STIM1: variants seen among roughly 807,000 people sequenced by gnomAD.
STIM1 encodes stromal interaction molecule 1.
Under a neutral mutation model 74.7 loss-of-function variants are expected in STIM1, and 25 were observed. The ratio of observed to expected loss-of-function variants is 0.33; its 90% CI spans 0.24 to 0.47. The LOEUF is 0.47. Ranked by LOEUF, STIM1 falls within the 20% of genes least tolerant of loss-of-function variation. The probability of loss-of-function intolerance (pLI) is 1.00; values close to 1 mark genes in which losing one functional copy is unlikely to be tolerated. For missense variants in STIM1, 728 were observed against 920.8 expected (o/e 0.79, Z 2.71); for synonymous variants, 328 against 348.8 (o/e 0.94, Z 0.66).
intron 2 of STIM1, among the ~76,000 whole-genome samples, chr11:3,996,655 A>G (rs750288969): frequency 6.6e-5 from 10 of 152,192 alleles, no homozygotes; most frequent in African/African-American, 2.4e-4. Flanking sequence ...TGGTTTAAAT[A>G]TTGTGGACTC....
intron 11 of STIM1, among the ~76,000 whole-genome samples, chr11:4,085,921 A>C (rs1017639337): frequency 6.6e-6 from 1 of 152,114 alleles, no homozygotes; most frequent in Non-Finnish European, 1.5e-5. Context: ...TCTTTTTATA[A>C]GCATCATTTT....
rs573959258 is a variant in STIM1, at chr11:3,856,614, C to T, written c.139+205C>T. Among the ~76,000 whole-genome samples, 14 of 152,358 alleles carry T rather than the reference C, an allele frequency of 9.2e-5. No homozygotes were observed. In the South Asian group the frequency reaches 2.9e-3, roughly 32 times the overall value. On this transcript the variant is annotated intron_variant, in intron 1 of 12. Coordinates refer to ENST00000526596, the MANE Select transcript of STIM1 (RefSeq NM_001382567.1). The stretch of plus-strand genomic sequence containing the variant: ...TGTATCTTTCCTGAACAACTTTCCT[C>T]ATCCCCCGCACTCAGGATTTTTTTT...
intron 1 of STIM1, among the ~76,000 whole-genome samples, chr11:3,872,951 CTTT>C (rs1246762993): frequency 7.1e-6 from 1 of 140,986 alleles, no homozygotes; most frequent in Non-Finnish European, 1.6e-5. Context: ...GTTACTCCCA[CTTT>C]TTTTTTTTTT....
intron 9 of STIM1, 38 bp from the exon 10 acceptor site, chr11:4,083,225 C>G (rs199523925): frequency 1.9e-6 from 3 of 1,601,528 alleles, no homozygotes; most frequent in Non-Finnish European, 2.6e-6. Flanking sequence ...GGGCTCACAC[C>G]AAGTCCATGC....
At chr11:3,857,435 T>C (rs1050990937) in intron 1 of STIM1, among the ~76,000 whole-genome samples, 1 of 151,840 alleles carries the variant, frequency 6.6e-6, no homozygotes, top group African/African-American at 2.4e-5. Flanking sequence ...TTTCTTTCTA[T>C]TTTTAATTTT....
At chr11:3,857,424 TTTTC>T (rs367662310) in intron 1 of STIM1, among the ~76,000 whole-genome samples, 10 of 151,940 alleles carry the variant, frequency 6.6e-5, no homozygotes, top group African/African-American at 1.7e-4. Context: ...CTAACTTTTT[TTTTC>T]TTTCTATTTT....
At chr11:3,944,902 T>G (rs2093053918) in intron 1 of STIM1, among the ~76,000 whole-genome samples, 1 of 152,216 alleles carries the variant, frequency 6.6e-6, no homozygotes, top group African/African-American at 2.4e-5. Flanking sequence ...CTCAATTTCA[T>G]CTTTCTGTTC....
chr11:4,047,264 G>A (rs959523909), intron 3 of STIM1, among the ~76,000 whole-genome samples: 3 of 152,208 alleles, frequency 2.0e-5, no homozygotes, highest in Non-Finnish European at 4.4e-5. Flanking sequence ...AGGACTGCCA[G>A]AGGCCAGGAG....
chr11:4,006,185 G>T (rs906455163), intron 2 of STIM1, among the ~76,000 whole-genome samples: 2 of 152,100 alleles, frequency 1.3e-5, no homozygotes, highest in South Asian at 2.1e-4. Flanking sequence ...GTTCTCATGA[G>T]ATCTGGTCAT....
At chr11:4,085,204 G>C (rs2094486595) in intron 11 of STIM1, among the ~76,000 whole-genome samples, 1 of 149,218 alleles carries the variant, frequency 6.7e-6, no homozygotes, top group African/African-American at 2.5e-5. Context: ...AAAGCTACCA[G>C]CATAGAAGCC....
At chr11:3,948,881 C>T (rs764823469) in intron 1 of STIM1, among the ~76,000 whole-genome samples, 3 of 152,096 alleles carry the variant, frequency 2.0e-5, no homozygotes, top group Admixed American at 6.6e-5. Context: ...AGGCTAGACA[C>T]GAATGCAAAT....
chr11:3,980,715 A>G (rs565872253), intron 2 of STIM1, among the ~76,000 whole-genome samples: 5 of 151,956 alleles, frequency 3.3e-5, no homozygotes, highest in African/African-American at 9.7e-5. Flanking sequence ...GGAAAAAGAA[A>G]TTTCATTTGT....
intron 2 of STIM1, among the ~76,000 whole-genome samples, chr11:4,004,887 C>G (rs1590640079): frequency 6.6e-6 from 1 of 152,054 alleles, no homozygotes; most frequent in African/African-American, 2.4e-5. Context: ...AACAAACTTA[C>G]AAGAAAAAAA....
Position 4,074,578 on chromosome 11 carries a change from A to G in STIM1, c.868A>G (p.Ile290Val). The change falls in exon 7 of 13, where the codon ATC becomes GTC. Residue 290 changes from isoleucine to valine, a missense_variant. Transcript: ENST00000526596. ...TCTGGAAAAGAAGCTGCGCGATGAG[A>G]TCAACCTTGCTAAGCAGGAAGCCCA... is the stretch of plus-strand genomic sequence containing the variant. ...VHLEKKLRDE[I>V]NLAKQEAQRL... 2 of 1,614,008 alleles carry G rather than the reference A, an allele frequency of 1.2e-6. No individual in the cohort carries two copies. The highest frequency in any genetic ancestry group is 1.7e-6 in the Non-Finnish European group (2 of 1,179,978).
intron 1 of STIM1, among the ~76,000 whole-genome samples, chr11:3,884,420 A>G (rs1313338412): frequency 6.6e-6 from 1 of 152,210 alleles, no homozygotes; most frequent in Non-Finnish European, 1.5e-5. Flanking sequence ...TGTTTCCAGC[A>G]CTTTGAAGAC....
chr11:3,855,507 C>T (rs1290686433), upstream of STIM1: 1 of 151,728 alleles, frequency 6.6e-6, no homozygotes, highest in African/African-American at 2.4e-5. Context: ...CCGCTAGGGG[C>T]GGGGATTCCG....
intron 2 of STIM1, among the ~76,000 whole-genome samples, chr11:3,997,796 G>A (rs181618034): frequency 1.3e-5 from 2 of 152,326 alleles, no homozygotes; most frequent in Middle Eastern, 3.4e-3. Context: ...ATAGAGGAGG[G>A]AGGGTCTTGC....
At chr11:4,082,093 C>T (rs2094468297) in intron 7 of STIM1, 91 bp from the exon 8 acceptor site, 1 of 1,308,408 alleles carries the variant, frequency 7.6e-7, no homozygotes, top group South Asian at 1.2e-5. Context: ...AGTTGTAAAG[C>T]AGATAAGAAG....
At chr11:3,870,607 C>T (rs1318678479) in intron 1 of STIM1, among the ~76,000 whole-genome samples, 1 of 152,114 alleles carries the variant, frequency 6.6e-6, no homozygotes, top group Non-Finnish European at 1.5e-5. Flanking sequence ...GGCGATCCTC[C>T]CATCTCGGCC....
Sources: gnomAD v4.1 joint callset for allele counts (sites outside exome capture counted in the v4.1 genomes callset) on GRCh38, gnomAD v4.1.1 for gene constraint, MANE v1.5 for transcripts, NCBI Gene and HGNC (gene_info 2026-07-23, HGNC 2026-07-21) for gene names.